The following PIK3AP1 variants were observed in gnomAD, a reference collection of about 807,000 sequenced individuals.
The protein encoded by PIK3AP1 is phosphoinositide-3-kinase adaptor protein 1.
PIK3AP1 carries 21 observed loss-of-function variants against 88.1 expected under a neutral mutation model. The observed-to-expected ratio is 0.24, with a 90% CI of 0.17 to 0.34. PIK3AP1 has a LOEUF of 0.34. PIK3AP1 is among the 10% of genes least tolerant of loss of function. The pLI, the probability that PIK3AP1 is intolerant of heterozygous loss-of-function variation, is 1.00. For synonymous variants in PIK3AP1, 398 were observed against 400.0 expected, an observed-to-expected ratio of 1.00 and a Z score of 0.06; for missense variants, 828 against 1,035.7, an observed-to-expected ratio of 0.80 and a Z score of 2.75.
rs1181565329 is a variant in PIK3AP1 at position 96,613,038 on chromosome 10, G to A, written c.2015-3171C>T. 5.7e-5 allele frequency among the ~76,000 whole-genome samples: 7 copies of A among 122,958 alleles called. No individual in the cohort carries two copies. In the South Asian group the frequency reaches 7.9e-4, roughly 14 times the overall value. 80.7% of individuals were successfully genotyped at this position (122,958 alleles called of 152,430 possible). A position where few individuals can be genotyped will look rare whatever the true frequency, so the allele number is the denominator to read the frequency against. On this transcript the variant is annotated intron_variant, in intron 13 of 16. Coordinates refer to ENST00000339364, the MANE Select transcript of PIK3AP1 (RefSeq NM_152309.3). ...TTTTGAGACAGAGTCTCGCACTGTC[G>A]CCCACGCTGGAGTGCAGTGGTGCGA...
chr10:96,640,827 T>TAA, intron 8 of PIK3AP1, among the ~76,000 whole-genome samples: 1 of 149,910 alleles, frequency 6.7e-6, no homozygotes, highest in Admixed American at 6.6e-5. Flanking sequence ...CCTGCTAATT[T>TAA]AAAAAAAAAA....
At chr10:96,648,143 T>C (rs1241429090) in intron 7 of PIK3AP1, among the ~76,000 whole-genome samples, 2 of 152,140 alleles carry the variant, frequency 1.3e-5, no homozygotes, top group Non-Finnish European at 2.9e-5. Flanking sequence ...CACAGCTTTA[T>C]TGAGGTTTCT....
At chr10:96,686,321 C>T (rs547693178) in intron 2 of PIK3AP1, among the ~76,000 whole-genome samples, 1 of 152,302 alleles carries the variant, frequency 6.6e-6, no homozygotes, top group African/African-American at 2.4e-5. Context: ...CCACACTGTG[C>T]TAAGCAAAAG....
intron 11 of PIK3AP1, 50 bp downstream of exon 11, chr10:96,623,422 A>G (rs1027334818): frequency 2.7e-6 from 4 of 1,501,272 alleles, no homozygotes; most frequent in African/African-American, 2.8e-5. Flanking sequence ...TCACTGACCT[A>G]TGAACACTTC....
At chr10:96,716,168 G>T (rs1844499681) in intron 1 of PIK3AP1, among the ~76,000 whole-genome samples, 1 of 152,044 alleles carries the variant, frequency 6.6e-6, no homozygotes, top group Admixed American at 6.6e-5. Flanking sequence ...TGTAGTCCCA[G>T]CTACTCAGGA....
At chr10:96,709,476 G>T in intron 2 of PIK3AP1, 91 bp downstream of exon 2, 1 of 1,433,182 alleles carries the variant, frequency 7.0e-7, no homozygotes, top group Non-Finnish European at 9.5e-7. Context: ...AACATAGTGA[G>T]ATCCCCGCTC....
intron 2 of PIK3AP1, among the ~76,000 whole-genome samples, chr10:96,699,861 AG>A (rs527360712): frequency 9.1e-4 from 138 of 152,352 alleles, no homozygotes; most frequent in African/African-American, 3.1e-3. Flanking sequence ...GAAGCTGCAC[AG>A]GCCAAATGAA....
intron 1 of PIK3AP1, among the ~76,000 whole-genome samples, chr10:96,710,829 G>A (rs1844429137): frequency 6.6e-6 from 1 of 152,208 alleles, no homozygotes; most frequent in African/African-American, 2.4e-5. Flanking sequence ...CAGTGGCCAA[G>A]TAAGGATTTG....
chr10:96,628,413 G>A lies in PIK3AP1; in HGVS notation c.1456C>T (p.Arg486Cys), dbSNP rs1308742123. Residue 486 changes from arginine (R) to cysteine (C), a missense_variant, in exon 9 of 17, where the codon CGC (arginine) becomes TGC (cysteine). By Grantham distance (180) the Arg-to-Cys change is radical. Transcript: ENST00000339364. ...FSRATKDSMIRKFLEGNSMGM... is the reference protein window; with the variant it reads ...FSRATKDSMICKFLEGNSMGM... ...TATGACTTACCTTCTAAAAACTTGC[G>A]GATCATAGAGTCCTTAGTGGCCCGA... 4 of 1,610,500 alleles carry A rather than the reference G, an allele frequency of 2.5e-6. No individual in the cohort carries two copies. Among genetic ancestry groups the A allele is most frequent in the Non-Finnish European group, 2.5e-6 (3 of 1,176,780 alleles).
intron 16 of PIK3AP1, among the ~76,000 whole-genome samples, chr10:96,596,894 G>T (rs1447562590): frequency 6.6e-6 from 1 of 152,188 alleles, no homozygotes; most frequent in Non-Finnish European, 1.5e-5. Flanking sequence ...CATACTTGAG[G>T]ATTGATTGAA....
intron 2 of PIK3AP1, among the ~76,000 whole-genome samples, chr10:96,696,183 C>T (rs1482831445): frequency 6.6e-6 from 1 of 152,170 alleles, no homozygotes; most frequent in African/African-American, 2.4e-5. Context: ...AGGCATCTAC[C>T]ACACATAAAA....
intron 2 of PIK3AP1, among the ~76,000 whole-genome samples, chr10:96,695,226 G>A (rs994255837): frequency 1.4e-4 from 22 of 152,134 alleles, no homozygotes; most frequent in African/African-American, 5.3e-4. Flanking sequence ...AAGTTAACAG[G>A]TTGGTTCTGT....
intron 2 of PIK3AP1, among the ~76,000 whole-genome samples, chr10:96,687,058 C>A (rs1390535206): frequency 4.6e-5 from 7 of 151,700 alleles, no homozygotes; most frequent in Admixed American, 6.6e-5. Context: ...AGATCGAGAC[C>A]ATCCTGGCTA....
chr10:96,688,191 T>C (rs530671187), intron 2 of PIK3AP1, among the ~76,000 whole-genome samples: 1 of 152,270 alleles, frequency 6.6e-6, no homozygotes, highest in East Asian at 1.9e-4. Flanking sequence ...CAGGGCCTTT[T>C]GCTCCTCCCA....
intron 2 of PIK3AP1, among the ~76,000 whole-genome samples, chr10:96,709,266 A>G (rs1325157678): frequency 6.6e-6 from 1 of 151,950 alleles, no homozygotes; most frequent in African/African-American, 2.4e-5. Context: ...TCTGCCTCCC[A>G]GCCCCAACTA....
intron 8 of PIK3AP1, among the ~76,000 whole-genome samples, chr10:96,632,718 C>T (rs575244472): frequency 7.9e-5 from 12 of 152,292 alleles, no homozygotes; most frequent in Non-Finnish European, 1.8e-4. Context: ...GTTCTTTGGC[C>T]TCCTTGAGCC....
intron 2 of PIK3AP1, among the ~76,000 whole-genome samples, chr10:96,694,350 A>G (rs141332215): frequency 6.6e-4 from 100 of 152,268 alleles, no homozygotes; most frequent in Admixed American, 1.2e-3. Flanking sequence ...GAATATAAAC[A>G]TAAATTTACA....
intron 1 of PIK3AP1, among the ~76,000 whole-genome samples, chr10:96,718,522 C>T (rs952481950): frequency 6.6e-6 from 1 of 152,160 alleles, no homozygotes; most frequent in Non-Finnish European, 1.5e-5. Context: ...CCACAGAAGA[C>T]GCAGACAGCA....
intron 13 of PIK3AP1, among the ~76,000 whole-genome samples, chr10:96,610,687 C>T (rs1451125855): frequency 6.6e-6 from 1 of 152,218 alleles, no homozygotes; most frequent in Non-Finnish European, 1.5e-5. Context: ...AAAGCACTGA[C>T]CTGACCTCCT....
Sources: gnomAD v4.1 joint callset for allele counts (sites outside exome capture counted in the v4.1 genomes callset) on GRCh38, gnomAD v4.1.1 for gene constraint, MANE v1.5 for transcripts, NCBI Gene and HGNC (gene_info 2026-07-23, HGNC 2026-07-21) for gene names.